Variants in MROH2A observed in about 807,000 individuals in gnomAD.
MROH2A encodes the protein maestro heat like repeat family member 2A, also known as maestro heat-like repeat-containing protein family member 2A.
Under a neutral mutation model 200.4 loss-of-function variants are expected in MROH2A, and 174 were observed. That is an observed-to-expected ratio of 0.87 (90% CI 0.77 to 0.98). The LOEUF (loss-of-function observed/expected upper bound fraction) is 0.98. Among genes scored for constraint, MROH2A ranks in the 50% least tolerant of loss-of-function variants. MROH2A has a pLI of 0.00. For missense variants in MROH2A, 2,045 were observed against 2,139.6 expected, an observed-to-expected ratio of 0.96 and a Z score of 0.87; for synonymous variants, 829 against 840.4, an observed-to-expected ratio of 0.99 and a Z score of 0.23.
Position 233,802,313 on chromosome 2 carries a change from A to G in MROH2A, c.1706A>G (p.Gln569Arg). Reference sequence around the variant, plus strand: ...GTCAGCGTGGCTGGCAAGAGCAGGCAAGGTGGGCAAAGTTCCTGTCCAGCT... The same window carrying G: ...GTCAGCGTGGCTGGCAAGAGCAGGCGAGGTGGGCAAAGTTCCTGTCCAGCT... The part of the protein sequence containing the change: ...VDVSVAGKSR[Q>R]VDLPAPQKLL... Residue 569 changes from glutamine to arginine, a missense_variant and splice_region_variant, in exon 15 of 42, where the codon CAA (glutamine) becomes CGA (arginine). Gln to Arg is a conservative substitution (Grantham distance 43, BLOSUM62 1). This residue lies in a region of MROH2A where 831 missense variants were observed against 800.0 expected (regional missense o/e 1.04). Transcript: ENST00000389758. 6.5e-7 allele frequency: 1 copy of G among 1,548,992 alleles called. No individual in the cohort carries two copies. The highest frequency in any genetic ancestry group is 8.7e-7 in the Non-Finnish European group (1 of 1,146,226).
chr2:233,830,745 T>C (rs1445069464), intron 38 of MROH2A, among the ~76,000 whole-genome samples: 1 of 152,100 alleles, frequency 6.6e-6, no homozygotes, highest in Non-Finnish European at 1.5e-5. Flanking sequence ...CACCCCAGCT[T>C]CTGGACTTTG....
chr2:233,828,992 A>T lies in MROH2A; in HGVS notation c.4366A>T (p.Ile1456Phe). 1.3e-6 allele frequency: 2 copies of T among 1,550,490 alleles called. No homozygotes were observed. Among genetic ancestry groups the T allele is most frequent in the Non-Finnish European group, 1.7e-6 (2 of 1,146,960 alleles). Residue 1456 changes from isoleucine to phenylalanine, a missense_variant, in exon 37 of 42, where the codon ATC (isoleucine) becomes TTC (phenylalanine). Coordinates refer to ENST00000389758, the MANE Select transcript of MROH2A (RefSeq NM_001394639.1). The surrounding 1 kb of genome is among the most constrained non-coding windows in gnomAD (Gnocchi z 4.6). ...TAEGMEALTK[I>F]LAELREGDVG... ...CGAGGGCATGGAGGCCCTGACCAAG[A>T]TCCTGGCTGAGCTCCGGGAAGGGGA...
At position 233,800,287 on chromosome 2, in the gene MROH2A, TTACC is replaced by T. The variant is rs1280128969; in HGVS notation, c.1534_1537del (p.Thr512LeufsTer6). On this transcript the variant is annotated frameshift_variant, in exon 14 of 42. Transcript: ENST00000389758. LOFTEE classifies it high-confidence loss of function. Reference sequence around the variant, plus strand: ...GTCACCATGGACACTGTGAAGATCATTACCTCTTCTGTCAGTGGGATGACCACCG... The same window carrying T: ...GTCACCATGGACACTGTGAAGATCATTCTTCTGTCAGTGGGATGACCACCG... 6.5e-7 allele frequency: 1 copy of T among 1,549,506 alleles called. No individual in the cohort carries two copies. Among genetic ancestry groups the T allele is most frequent in the Non-Finnish European group, 8.7e-7 (1 of 1,146,442 alleles).
intron 31 of MROH2A, among the ~76,000 whole-genome samples, chr2:233,821,413 C>A (rs1023290319): frequency 6.6e-6 from 1 of 152,230 alleles, no homozygotes; most frequent in Non-Finnish European, 1.5e-5. Context: ...TCCCTTCAGA[C>A]CCAAACTCAC....
chr2:233,819,061 G>A (rs1344697016), intron 29 of MROH2A, among the ~76,000 whole-genome samples: 3 of 152,252 alleles, frequency 2.0e-5, no homozygotes, highest in Non-Finnish European at 4.4e-5. Context: ...GATCTGGACA[G>A]GCCCTGCACG....
chr2:233,816,133 T>A (rs28900971), intron 26 of MROH2A, among the ~76,000 whole-genome samples: 4,407 of 152,326 alleles, frequency 0.029, 202 homozygotes, highest in African/African-American at 0.098. Flanking sequence ...AAATATTTCA[T>A]GTGTATTTGA....
At chr2:233,822,080 A>C (rs1336605381) in intron 31 of MROH2A, 44 bp from the exon 32 acceptor site, 12 of 1,525,122 alleles carry the variant, frequency 7.9e-6, no homozygotes, top group African/African-American at 1.4e-5. Context: ...CTGCCAGGGC[A>C]CATGCCAGGA....
In MROH2A at chr2:233,810,870, A is replaced by T; in HGVS notation, c.2525A>T (p.Glu842Val). ...GCCATCAACAACATCAAGGACCTGGAGGACTTTCACTTTGCCCAGAAGACG... is the reference window on the plus strand; with the variant it reads ...GCCATCAACAACATCAAGGACCTGGTGGACTTTCACTTTGCCCAGAAGACG... The part of the protein sequence containing the change: ...TKAINNIKDL[E>V]DFHFAQKTTL... The change falls in exon 23 of 42, where the codon GAG becomes GTG. Residue 842 changes from glutamate to valine, a missense_variant. Transcript: ENST00000389758. 2 of 1,550,444 alleles carry T rather than the reference A, an allele frequency of 1.3e-6. No individual in the cohort carries two copies. The highest frequency in any genetic ancestry group is 1.7e-6 in the Non-Finnish European group (2 of 1,146,894).
intron 25 of MROH2A, among the ~76,000 whole-genome samples, chr2:233,814,282 C>T (rs1440709708): frequency 6.6e-6 from 1 of 151,756 alleles, no homozygotes; most frequent in Non-Finnish European, 1.5e-5. Flanking sequence ...GTTTCCCTGA[C>T]AACACTGTGG....
At chr2:233,814,272 G>A (rs969939042) in intron 25 of MROH2A, among the ~76,000 whole-genome samples, 4 of 151,956 alleles carry the variant, frequency 2.6e-5, no homozygotes, top group African/African-American at 9.7e-5. Context: ...TGAGATGGCT[G>A]TTTCCCTGAC....
intron 14 of MROH2A, among the ~76,000 whole-genome samples, chr2:233,800,952 AAATAAT>A (rs1272885450): frequency 6.6e-6 from 1 of 152,162 alleles, no homozygotes; most frequent in African/African-American, 2.4e-5. Context: ...TTAATTGCAG[AAATAAT>A]AATAATCATC....
rs1194326196 is a variant in MROH2A at position 233,796,306 on chromosome 2, C to A, written c.1245C>A (p.Ser415Arg). Residue 415 changes from serine to arginine, a missense_variant, in exon 11 of 42, where the codon AGC becomes AGA. Around this residue, in one of 3 missense-constraint regions of MROH2A, gnomAD observed 831 missense variants for 800.0 expected, o/e 1.04. Transcript: ENST00000389758. ...GTLNLIRAIVSADEPRMSIRA... is the reference protein window; with the variant it reads ...GTLNLIRAIVRADEPRMSIRA... The stretch of plus-strand genomic sequence containing the variant: ...TGAATCTGATTAGGGCTATAGTGAG[C>A]GCAGATGGTGAGCAAGGCAGGGTGG... The A allele has an allele frequency of 3.2e-6, 3 of 940,638 alleles. No homozygotes were observed. Among genetic ancestry groups the A allele is most frequent in the East Asian group, 7.1e-5 (1 of 14,062 alleles). 58.3% of individuals were successfully genotyped at this position (940,638 alleles called of 1,614,324 possible).
At position 233,822,491 on chromosome 2, in the gene MROH2A, G is replaced by T; in HGVS notation, c.3801G>T (p.Pro1267=). The T allele has an allele frequency of 6.4e-7, 1 of 1,550,656 alleles. No individual in the cohort carries two copies. The highest frequency in any genetic ancestry group is 1.2e-5 in the South Asian group (1 of 84,058). Residue 1267 remains proline, a synonymous_variant, in exon 33 of 42, where the codon CCG becomes CCT. Coordinates refer to ENST00000389758, the MANE Select transcript of MROH2A (RefSeq NM_001394639.1). ...GCAGCCACCGACCAGAGGCCGCCCC[G>T]CCGGTCTTGAAGATGTGGAAGCTGG... ...LGSSHRPEAA[P]PVLKMWKLVH...
chr2:233,796,528 C>T (rs1050495290), intron 11 of MROH2A, among the ~76,000 whole-genome samples: 3 of 152,046 alleles, frequency 2.0e-5, no homozygotes, highest in East Asian at 1.9e-4. Context: ...CCTCTGAGTC[C>T]GAATTGTTAA....
intron 26 of MROH2A, 52 bp downstream of exon 26, chr2:233,814,729 A>G: frequency 1.6e-6 from 2 of 1,264,568 alleles, no homozygotes; most frequent in Non-Finnish European, 2.2e-6. Flanking sequence ...CCTCCCCAGA[A>G]GCTGGACTGA....
At chr2:233,816,372 G>A (rs576364480) in intron 26 of MROH2A, among the ~76,000 whole-genome samples, 8 of 152,172 alleles carry the variant, frequency 5.3e-5, no homozygotes, top group African/African-American at 9.7e-5. Context: ...GTTATTAGGT[G>A]CATAAACATT....
chr2:233,779,375 C>T lies in MROH2A; in HGVS notation c.17C>T (p.Thr6Ile), dbSNP rs777754220. MTEAI[T>I]EAAVASSEEV... ...GAGGAAGAGATGACTGAAGCCATTA[C>T]AGAAGCAGCAGTAGCCTCAAGTGAG... Residue 6 changes from threonine (T) to isoleucine (I), a missense_variant, in exon 2 of 42, where the codon ACA becomes ATA. Thr to Ile is a moderately conservative substitution (Grantham distance 89). Around this residue, in one of 3 missense-constraint regions of MROH2A, gnomAD observed 831 missense variants for 800.0 expected, o/e 1.04. Transcript: ENST00000389758. 2 of 1,549,396 alleles carry T rather than the reference C, an allele frequency of 1.3e-6. No individual in the cohort carries two copies. Among genetic ancestry groups the T allele is most frequent in the Non-Finnish European group, 1.7e-6 (2 of 1,145,982 alleles).
rs56084976 is a variant in MROH2A at position 233,788,938 on chromosome 2, CAAAAAAAAAAAAAAAAA to C, written c.277-544_277-528del. Among the ~76,000 whole-genome samples, 104 of 47,494 alleles carry C rather than the reference CAAAAAAAAAAAAAAAAA, an allele frequency of 2.2e-3. 1 individual carries two copies. The highest frequency in any genetic ancestry group is 9.2e-3 in the African/African-American group (102 of 11,060). The allele number at this position is 47,494 out of a possible 152,430, so 31.2% of individuals were successfully genotyped here. On this transcript the variant is annotated intron_variant, in intron 3 of 41. Coordinates refer to ENST00000389758, the MANE Select transcript of MROH2A (RefSeq NM_001394639.1). ...CGGGCGGCAGAGCGAGACTCCGTCT[CAAAAAAAAAAAAAAAAA>C]AAAAAAAAAAAAAAGAGTAACTTGT...
chr2:233,809,780 G>GTA (rs10635266), intron 22 of MROH2A, among the ~76,000 whole-genome samples: 9 of 151,424 alleles, frequency 5.9e-5, no homozygotes, highest in Non-Finnish European at 7.4e-5. Flanking sequence ...CCATTTTTAA[G>GTA]TATATATATA....
Sources: allele counts gnomAD v4.1 joint callset (sites outside exome capture counted in the v4.1 genomes callset), GRCh38; gene constraint gnomAD v4.1.1; regional missense constraint gnomAD v4.1.1; non-coding constraint Gnocchi (gnomAD v3.1); transcripts MANE v1.5; gene names NCBI Gene and HGNC (gene_info 2026-07-23, HGNC 2026-07-21).